The following EPHA3 variants were observed in gnomAD, a reference collection of about 807,000 sequenced individuals.
EPHA3 encodes ephrin type-A receptor 3.
Under a neutral mutation model 107.1 loss-of-function variants are expected in EPHA3, and 42 were observed. That is an observed-to-expected ratio of 0.39 (90% CI 0.31 to 0.51). The LOEUF is 0.51. Among genes scored for constraint, EPHA3 ranks in the 20% least tolerant of loss-of-function variants. The pLI is 0.78. For synonymous variants in EPHA3, 461 were observed against 424.8 expected, an observed-to-expected ratio of 1.09 and a Z score of -1.05; for missense variants, 1,183 against 1,211.2, an observed-to-expected ratio of 0.98 and a Z score of 0.35.
At chr3:89,199,105 C>T (rs1450558569) in intron 2 of EPHA3, among the ~76,000 whole-genome samples, 4 of 152,082 alleles carry the variant, frequency 2.6e-5, no homozygotes, top group African/African-American at 4.8e-5. Context: ...AAAAGTAAAG[C>T]CATTTGGCTA....
intron 13 of EPHA3, 50 bp from the exon 14 acceptor site, chr3:89,449,175 A>T (rs1170199193): frequency 6.7e-7 from 1 of 1,499,896 alleles, no homozygotes; most frequent in Non-Finnish European, 9.0e-7. Context: ...TATGTATATT[A>T]TATGTTCTAT....
chr3:89,244,071 A>G (rs1427093785), intron 3 of EPHA3, among the ~76,000 whole-genome samples: 1 of 152,168 alleles, frequency 6.6e-6, no homozygotes, highest in Non-Finnish European at 1.5e-5. Flanking sequence ...ATTATTTAAA[A>G]ATATGAAAAT....
intron 5 of EPHA3, among the ~76,000 whole-genome samples, chr3:89,351,047 G>A (rs529202767): frequency 1.8e-4 from 28 of 151,506 alleles, no homozygotes; most frequent in Admixed American, 1.8e-3. Flanking sequence ...ATTTAAGTCT[G>A]CAGAGGTTAC....
rs566789281 is a variant in EPHA3, at chr3:89,389,236, A to G, written c.1307-6601A>G. ...AAGCAATGAATGATTATGCTAAATCAAACCCAAGAGAGTTTCTAGATTTAA... is the reference window on the plus strand; with the variant it reads ...AAGCAATGAATGATTATGCTAAATCGAACCCAAGAGAGTTTCTAGATTTAA... On this transcript the variant is annotated intron_variant, in intron 5 of 16. Transcript: ENST00000336596. Among the ~76,000 whole-genome samples the G allele has an allele frequency of 2.6e-5, 4 of 152,322 alleles. No homozygotes were observed. The South Asian group carries it at 8.3e-4, about 32-fold the overall frequency.
chr3:89,414,478 T>C (rs1709211270), intron 10 of EPHA3, among the ~76,000 whole-genome samples: 2 of 151,662 alleles, frequency 1.3e-5, no homozygotes, highest in African/African-American at 4.8e-5. Flanking sequence ...GTTTACTCTG[T>C]TTCATTTCTT....
At chr3:89,430,261 G>A (rs1001159463) in intron 12 of EPHA3, among the ~76,000 whole-genome samples, 2 of 152,104 alleles carry the variant, frequency 1.3e-5, no homozygotes, top group African/African-American at 4.8e-5. Flanking sequence ...GCAGATGACA[G>A]AAAGATAGAT....
chr3:89,196,238 A>C (rs1559595183), intron 2 of EPHA3, among the ~76,000 whole-genome samples: 1 of 152,186 alleles, frequency 6.6e-6, no homozygotes, highest in East Asian at 1.9e-4. Context: ...TTTTCAGTGA[A>C]GACTTCCCAG....
intron 13 of EPHA3, among the ~76,000 whole-genome samples, chr3:89,434,336 G>A (rs576443601): frequency 1.3e-5 from 2 of 152,192 alleles, no homozygotes; most frequent in Admixed American, 1.3e-4. Context: ...TCATGCCTCA[G>A]CCTCACAAGT....
chr3:89,228,991 G>A (rs976921962), intron 3 of EPHA3, among the ~76,000 whole-genome samples: 5 of 151,912 alleles, frequency 3.3e-5, no homozygotes, highest in African/African-American at 9.7e-5. Context: ...TGTTTAAGCC[G>A]AAGCTCTTAA....
chr3:89,456,803 T>C (rs57623607), intron 15 of EPHA3, among the ~76,000 whole-genome samples: 5,146 of 152,272 alleles, frequency 0.034, 289 homozygotes, highest in African/African-American at 0.12. Context: ...TCAGAGGAGA[T>C]GTGAGGGTTT....
At chr3:89,328,521 A>T (rs1211090073) in intron 3 of EPHA3, among the ~76,000 whole-genome samples, 1 of 152,100 alleles carries the variant, frequency 6.6e-6, no homozygotes, top group Non-Finnish European at 1.5e-5. Context: ...CTTCATAGTC[A>T]CCCTTCCATT....
At chr3:89,320,163 C>T (rs1707010586) in intron 3 of EPHA3, among the ~76,000 whole-genome samples, 1 of 151,888 alleles carries the variant, frequency 6.6e-6, no homozygotes, top group South Asian at 2.1e-4. Flanking sequence ...GAAAGATATA[C>T]ATACTTGCAA....
At chr3:89,253,074 G>C (rs1705201163) in intron 3 of EPHA3, among the ~76,000 whole-genome samples, 1 of 151,916 alleles carries the variant, frequency 6.6e-6, no homozygotes, top group African/African-American at 2.4e-5. Flanking sequence ...GACAAGTGGG[G>C]AGGTGAAACG....
At chr3:89,133,529 G>A (rs184742710) in intron 2 of EPHA3, among the ~76,000 whole-genome samples, 9 of 152,290 alleles carry the variant, frequency 5.9e-5, no homozygotes, top group African/African-American at 2.2e-4. Flanking sequence ...GCTAGTTGTG[G>A]AAGCGATTTC....
chr3:89,419,324 G>A lies in EPHA3; in HGVS notation c.2008G>A (p.Glu670Lys), dbSNP rs2107526881. 1 of 1,610,424 alleles carries A rather than the reference G, an allele frequency of 6.2e-7. No homozygotes were observed. The highest frequency in any genetic ancestry group is 8.5e-7 in the Non-Finnish European group (1 of 1,177,696). The part of the protein sequence containing the change: ...TEKQRRDFLG[E>K]ASIMGQFDHP... ...AAAGCAGAGGAGAGACTTCCTGGGA[G>A]AAGCAAGCATTATGGGACAGTTTGA... is the stretch of plus-strand genomic sequence containing the variant. Residue 670 changes from glutamate (E) to lysine (K), a missense_variant, in exon 11 of 17, where the codon GAA becomes AAA. Physicochemically the swap from Glu to Lys is moderately conservative, Grantham distance 56. Coordinates refer to ENST00000336596, the MANE Select transcript of EPHA3 (RefSeq NM_005233.6).
Position 89,479,617 on chromosome 3 carries a change from C to A in EPHA3, c.*115C>A. On this transcript the variant is annotated 3_prime_UTR_variant, in exon 17 of 17. Coordinates refer to ENST00000336596, the MANE Select transcript of EPHA3 (RefSeq NM_005233.6). The stretch of plus-strand genomic sequence containing the variant: ...GGTGGAAGTTCCAAGTCCAATAAGA[C>A]ACTCAAATATGAGTACAAATGCCTT... The A allele has an allele frequency of 1.3e-6, 1 of 748,374 alleles. No individual in the cohort carries two copies. Among genetic ancestry groups the A allele is most frequent in the Non-Finnish European group, 2.3e-6 (1 of 439,902 alleles). The allele number at this position is 748,374 out of a possible 1,614,324, so 46.4% of individuals were successfully genotyped here.
chr3:89,385,786 A>G (rs914980906), intron 5 of EPHA3, among the ~76,000 whole-genome samples: 3 of 152,206 alleles, frequency 2.0e-5, no homozygotes, highest in African/African-American at 7.2e-5. Context: ...ATAGTTTAGA[A>G]TTTCCAAGAG....
chr3:89,261,105 G>A (rs1321035724), intron 3 of EPHA3, among the ~76,000 whole-genome samples: 1 of 152,216 alleles, frequency 6.6e-6, no homozygotes, highest in Non-Finnish European at 1.5e-5. Context: ...AGATGGCAGA[G>A]GAAGCCAGTT....
At chr3:89,362,703 T>A (rs1708118096) in intron 5 of EPHA3, among the ~76,000 whole-genome samples, 1 of 150,874 alleles carries the variant, frequency 6.6e-6, no homozygotes, top group African/African-American at 2.4e-5. Context: ...AGCACCAGAT[T>A]GTCAGATGGC....
Sources: gnomAD v4.1 joint callset for allele counts (sites outside exome capture counted in the v4.1 genomes callset) on GRCh38, gnomAD v4.1.1 for gene constraint, MANE v1.5 for transcripts, NCBI Gene and HGNC (gene_info 2026-07-23, HGNC 2026-07-21) for gene names.